The following HDX variants were observed in gnomAD, a reference collection of about 807,000 sequenced individuals.
HDX encodes highly divergent homeobox, also known as chromosome X open reading frame 43.
A neutral mutation model predicts 45.2 loss-of-function variants in HDX; 19 were observed. That is an observed-to-expected ratio of 0.42 (90% CI 0.29 to 0.62). The LOEUF (loss-of-function observed/expected upper bound fraction) is 0.62, where lower values mean the gene tolerates loss of function less well. Among genes scored for constraint, HDX ranks in the 20% least tolerant of loss-of-function variants. The pLI is 0.20. For missense variants in HDX, 532 were observed against 493.9 expected (o/e 1.08, Z -0.73); for synonymous variants, 188 against 172.8 (o/e 1.09, Z -0.69).
At chrX:84,379,861 AAAT>A (rs1381274704) in intron 5 of HDX, among the ~76,000 whole-genome samples, 5 of 111,271 alleles carry the variant, frequency 4.5e-5, no homozygotes, top group African/African-American at 1.3e-4. Context: ...AGAAGAAAAT[AAAT>A]AATAAAGATG....
intron 5 of HDX, among the ~76,000 whole-genome samples, chrX:84,423,908 A>C (rs932361990): frequency 8.9e-6 from 1 of 111,736 alleles, no homozygotes; most frequent in South Asian, 3.7e-4. Context: ...AACATGTTGA[A>C]TATAACAAAG....
Position 84,321,931 on chromosome X carries a change from A to G in HDX, c.2031T>C (p.Ser677=). The part of the protein sequence containing the change: ...ASLEPDDTSF[S]VSSLSEKNVS... The stretch of plus-strand genomic sequence containing the variant: ...CATTTTTCTCTGACAAAGAAGATAC[A>G]CTGAATGAGGTATCATCAGGCTCCA... Residue 677 remains serine (S), a synonymous_variant, in exon 11 of 11, where the codon AGT becomes AGC. Coordinates refer to ENST00000373177, the MANE Select transcript of HDX (RefSeq NM_001177479.2). 6.7e-6 allele frequency: 8 copies of G among 1,185,250 alleles called. No homozygotes were observed. The highest frequency in any genetic ancestry group is 9.1e-6 in the Non-Finnish European group (8 of 874,844).
At chrX:84,328,361 C>A (rs185325063) in intron 9 of HDX, among the ~76,000 whole-genome samples, 17 of 110,405 alleles carry the variant, frequency 1.5e-4, no homozygotes, top group African/African-American at 4.3e-4. Context: ...GACAGTGAGA[C>A]CCTATGTCAA....
intron 6 of HDX, among the ~76,000 whole-genome samples, chrX:84,349,186 A>G (rs1380985062): frequency 9.0e-6 from 1 of 110,738 alleles, no homozygotes; most frequent in East Asian, 2.9e-4. Flanking sequence ...GATTCTCTGT[A>G]TCTGCCTATT....
intron 6 of HDX, among the ~76,000 whole-genome samples, chrX:84,357,537 C>A (rs1343350508): frequency 9.0e-6 from 1 of 111,292 alleles, no homozygotes; most frequent in African/African-American, 3.3e-5. Flanking sequence ...ACCAAGCTGA[C>A]CAAAGTTATA....
At chrX:84,482,545 A>T (rs1271289497) in intron 2 of HDX, among the ~76,000 whole-genome samples, 1 of 111,650 alleles carries the variant, frequency 9.0e-6, no homozygotes, top group Non-Finnish European at 1.9e-5. Context: ...CTTACTCATT[A>T]TCATAAGAAT....
At chrX:84,493,990 T>A (rs908438644) in intron 1 of HDX, among the ~76,000 whole-genome samples, 3 of 110,886 alleles carry the variant, frequency 2.7e-5, no homozygotes, top group African/African-American at 9.8e-5. Context: ...ACACCTACTA[T>A]GTACCCACAA....
chrX:84,416,924 G>A (rs2039116080), intron 5 of HDX, among the ~76,000 whole-genome samples: 1 of 109,791 alleles, frequency 9.1e-6, no homozygotes, highest in Non-Finnish European at 1.9e-5. Context: ...GGAGGCTGAG[G>A]CGGACAGATC....
chrX:84,445,466 G>A (rs2039852396), intron 4 of HDX, among the ~76,000 whole-genome samples: 2 of 109,865 alleles, frequency 1.8e-5, no homozygotes, highest in African/African-American at 6.6e-5. Flanking sequence ...GAACATTGCT[G>A]GGCATATGAT....
Position 84,469,251 on chromosome X carries a change from G to T in HDX, c.472C>A (p.Gln158Lys), listed in dbSNP as rs1444145020. The T allele has an allele frequency of 3.6e-5, 43 of 1,209,728 alleles. No individual in the cohort carries two copies. The highest frequency in any genetic ancestry group is 1.2e-4 in the South Asian group (7 of 56,973). Residue 158 changes from glutamine (Q) to lysine (K), a missense_variant, in exon 4 of 11, where the codon CAA becomes AAA. By Grantham distance (53) the Gln-to-Lys change is moderately conservative. Coordinates refer to ENST00000373177, the MANE Select transcript of HDX (RefSeq NM_001177479.2). ...EFQLHIPVQR[Q>K]VAHCKNASLL... The stretch of plus-strand genomic sequence containing the variant: ...GAAGCATTTTTACAGTGTGCTACTT[G>T]TCTTTGGACAGGAATGTGTAACTGA...
chrX:84,373,710 T>A (rs1325631164), intron 5 of HDX, among the ~76,000 whole-genome samples: 1 of 110,412 alleles, frequency 9.1e-6, no homozygotes, highest in Non-Finnish European at 1.9e-5. Flanking sequence ...ATTCAACAAC[T>A]CTTCATGCTA....
chrX:84,436,990 A>G (rs924710043), intron 5 of HDX, among the ~76,000 whole-genome samples: 1 of 110,905 alleles, frequency 9.0e-6, no homozygotes, highest in Non-Finnish European at 1.9e-5. Flanking sequence ...TTTTGGATCT[A>G]GTAATAATTG....
Position 84,378,834 on chromosome X carries a change from A to T in HDX, c.1306-17222T>A, listed in dbSNP as rs142690112. ...ATAACACTGAATGTAAATGGACTAA[A>T]CTCTCCAACAAAAACACATAGATGA... is the stretch of plus-strand genomic sequence containing the variant. On this transcript the variant is annotated intron_variant, in intron 5 of 10. Coordinates refer to ENST00000373177, the MANE Select transcript of HDX (RefSeq NM_001177479.2). 9.3e-3 allele frequency among the ~76,000 whole-genome samples: 1,032 copies of T among 111,308 alleles called. 7 individuals are homozygous for T. Among genetic ancestry groups the T allele is most frequent in the Non-Finnish European group, 0.015 (787 of 52,813 alleles).
At chrX:84,420,778 C>T (rs2039235087) in intron 5 of HDX, among the ~76,000 whole-genome samples, 1 of 108,331 alleles carries the variant, frequency 9.2e-6, no homozygotes, top group Admixed American at 9.7e-5. Context: ...AATGGAGCTC[C>T]AATACATCTG....
At chrX:84,445,042 C>T (rs1319646271) in intron 4 of HDX, among the ~76,000 whole-genome samples, 1 of 111,585 alleles carries the variant, frequency 9.0e-6, no homozygotes, top group Admixed American at 9.5e-5. Context: ...AAAATTTATT[C>T]TAATTATTTT....
chrX:84,440,645 A>T (rs1172466085), intron 4 of HDX, 60 bp from the exon 5 acceptor site: 6 of 696,733 alleles, frequency 8.6e-6, no homozygotes, highest in Non-Finnish European at 1.4e-5. Flanking sequence ...TGGAATGTTG[A>T]TCAACACCAA....
At chrX:84,394,779 T>A (rs993327201) in intron 5 of HDX, among the ~76,000 whole-genome samples, 8 of 111,294 alleles carry the variant, frequency 7.2e-5, no homozygotes, top group Admixed American at 1.9e-4. Context: ...AGTTTTTTTT[T>A]ATTTAACATC....
rs758813111 is a variant in HDX, at chrX:84,321,921, A to G, written c.2041T>C (p.Leu681=). 1.5e-5 allele frequency: 18 copies of G among 1,185,989 alleles called. No individual in the cohort carries two copies. Among genetic ancestry groups the G allele is most frequent in the Non-Finnish European group, 2.1e-5 (18 of 877,789 alleles). Reference sequence around the variant, plus strand: ...CTTTCTGAGACATTTTTCTCTGACAAAGAAGATACACTGAATGAGGTATCA... The same window carrying G: ...CTTTCTGAGACATTTTTCTCTGACAGAGAAGATACACTGAATGAGGTATCA... The part of the protein sequence containing the change: ...PDDTSFSVSS[L]SEKNVSESL Residue 681 remains leucine, a synonymous_variant, in exon 11 of 11, where the codon TTG becomes CTG. Coordinates refer to ENST00000373177, the MANE Select transcript of HDX (RefSeq NM_001177479.2).
At chrX:84,475,115 AT>A in intron 3 of HDX, 135 bp downstream of exon 3, 1 of 472,365 alleles carries the variant, frequency 2.1e-6, no homozygotes, top group Admixed American at 4.5e-5. Context: ...TATTTTTAAA[AT>A]AGTATTGTTA....
Sources: allele counts gnomAD v4.1 joint callset (sites outside exome capture counted in the v4.1 genomes callset), GRCh38; gene constraint gnomAD v4.1.1; transcripts MANE v1.5; gene names NCBI Gene and HGNC (gene_info 2026-07-23, HGNC 2026-07-21).